Variants in GRM3 observed in about 807,000 individuals in gnomAD.
GRM3 encodes the protein metabotropic glutamate receptor 3.
A neutral mutation model predicts 70.5 loss-of-function variants in GRM3; 26 were observed. The observed-to-expected ratio is 0.37, with a 90% CI of 0.27 to 0.51. The LOEUF (loss-of-function observed/expected upper bound fraction) is 0.51. Ranked by LOEUF, GRM3 falls within the 20% of genes least tolerant of loss-of-function variation. The probability of loss-of-function intolerance (pLI) is 0.93; values close to 1 mark genes in which losing one functional copy is unlikely to be tolerated. For missense variants in GRM3, 859 were observed against 1,123.8 expected (o/e 0.76, Z 3.37); for synonymous variants, 443 against 434.9 (o/e 1.02, Z -0.23).
At chr7:86,830,507 T>A (rs1024145522) in intron 3 of GRM3, among the ~76,000 whole-genome samples, 5 of 152,134 alleles carry the variant, frequency 3.3e-5, no homozygotes, top group Admixed American at 2.0e-4. Context: ...TGAAAGAAAA[T>A]TTTTTTAAAA....
At chr7:86,669,354 A>T (rs1243489069) in intron 1 of GRM3, among the ~76,000 whole-genome samples, 2 of 152,198 alleles carry the variant, frequency 1.3e-5, no homozygotes, top group African/African-American at 4.8e-5. Context: ...AACAGGTGTT[A>T]AAAACTCTGA....
Position 86,839,023 on chromosome 7 carries a change from A to C in GRM3, c.1509A>C (p.Ser503=). 1 of 1,614,132 alleles carries C rather than the reference A, an allele frequency of 6.2e-7. No homozygotes were observed. Among genetic ancestry groups the C allele is most frequent in the East Asian group, 2.2e-5 (1 of 44,872 alleles). Residue 503 remains serine (S), a synonymous_variant, in exon 4 of 6, where the codon TCA becomes TCC. Coordinates refer to ENST00000361669, the MANE Select transcript of GRM3 (RefSeq NM_000840.3). This position sits in a 1 kb window ranked among gnomAD's most constrained non-coding sequence, Gnocchi z 4.5. ...ACTCTATCCACTGGTCCCGGAACTC[A>C]GTCCCCACTTCCCAGTGCAGCGACC... ...DVNSIHWSRN[S]VPTSQCSDPC... is the part of the protein sequence containing the mutation.
intron 1 of GRM3, among the ~76,000 whole-genome samples, chr7:86,695,663 A>T (rs1435030015): frequency 6.6e-6 from 1 of 152,202 alleles, no homozygotes; most frequent in Non-Finnish European, 1.5e-5. Context: ...CTCAACAAAA[A>T]AGTGAAAGTA....
intron 5 of GRM3, among the ~76,000 whole-genome samples, chr7:86,860,226 A>T (rs1224593531): frequency 6.6e-6 from 1 of 152,210 alleles, no homozygotes; most frequent in African/African-American, 2.4e-5. Context: ...GAAAAAGCTC[A>T]TCACAAACAT....
chr7:86,654,035 C>T (rs1793671778), intron 1 of GRM3, among the ~76,000 whole-genome samples: 1 of 152,194 alleles, frequency 6.6e-6, no homozygotes. Flanking sequence ...TGGCAACTTA[C>T]ACATTCTTCA....
intron 1 of GRM3, among the ~76,000 whole-genome samples, chr7:86,739,887 C>T (rs1376633060): frequency 1.3e-5 from 2 of 152,154 alleles, no homozygotes; most frequent in South Asian, 2.1e-4. Flanking sequence ...ACTTACTGAT[C>T]CTCATTTTTT....
chr7:86,798,490 G>A (rs1156342252), intron 3 of GRM3, among the ~76,000 whole-genome samples: 1 of 152,100 alleles, frequency 6.6e-6, no homozygotes, highest in Non-Finnish European at 1.5e-5. Flanking sequence ...CTTCATTTTG[G>A]CCTACTTTTC....
At chr7:86,824,948 G>A (rs1337039240) in intron 3 of GRM3, among the ~76,000 whole-genome samples, 1 of 152,136 alleles carries the variant, frequency 6.6e-6, no homozygotes, top group Admixed American at 6.5e-5. Flanking sequence ...GATTTCTGGG[G>A]TTGATCAATT....
intron 1 of GRM3, among the ~76,000 whole-genome samples, chr7:86,756,140 G>A (rs367584444): frequency 3.2e-4 from 48 of 152,052 alleles, no homozygotes; most frequent in Non-Finnish European, 5.1e-4. Flanking sequence ...GTGCAATGGC[G>A]TGATCTTTGC....
In GRM3 at chr7:86,727,764, A is replaced by T. The variant is rs552497346; in HGVS notation, c.-140-37242A>T. Among the ~76,000 whole-genome samples the T allele has an allele frequency of 3.3e-5, 5 of 152,258 alleles. No homozygotes were observed. In the East Asian group the frequency reaches 9.7e-4, roughly 29 times the overall value. On this transcript the variant is annotated intron_variant, in intron 1 of 5. Coordinates refer to ENST00000361669, the MANE Select transcript of GRM3 (RefSeq NM_000840.3). The stretch of plus-strand genomic sequence containing the variant: ...ATATGTATGAGTGTAAATGTGTATG[A>T]TCTAAACCAGGAGTCCACAAACATT...
chr7:86,687,227 A>C (rs1422976345), intron 1 of GRM3, among the ~76,000 whole-genome samples: 1 of 151,988 alleles, frequency 6.6e-6, no homozygotes, highest in Non-Finnish European at 1.5e-5. Flanking sequence ...AATTGATGAA[A>C]AATGTCTGAT....
At chr7:86,741,938 T>C (rs1796000415) in intron 1 of GRM3, among the ~76,000 whole-genome samples, 1 of 152,174 alleles carries the variant, frequency 6.6e-6, no homozygotes, top group Admixed American at 6.5e-5. Flanking sequence ...TATTTATTGC[T>C]TAGTAACATA....
chr7:86,795,059 C>T (rs1024076163), intron 3 of GRM3, among the ~76,000 whole-genome samples: 4 of 151,420 alleles, frequency 2.6e-5, no homozygotes, highest in Non-Finnish European at 5.9e-5. Context: ...ATTCATTCTC[C>T]CTAGCACACA....
intron 3 of GRM3, among the ~76,000 whole-genome samples, chr7:86,794,040 G>T (rs1445803873): frequency 2.6e-5 from 4 of 151,790 alleles, no homozygotes; most frequent in Non-Finnish European, 5.9e-5. Context: ...ACTTGCAAAG[G>T]TATCTGGAGA....
chr7:86,663,151 A>T (rs1793936851), intron 1 of GRM3, among the ~76,000 whole-genome samples: 1 of 151,954 alleles, frequency 6.6e-6, no homozygotes, highest in African/African-American at 2.4e-5. Context: ...ATGAGAATAG[A>T]GAATCTCAAG....
chr7:86,859,476 G>A (rs186583203), intron 5 of GRM3, among the ~76,000 whole-genome samples: 91 of 152,228 alleles, frequency 6.0e-4, no homozygotes, highest in Non-Finnish European at 1.1e-3. Context: ...CAATGACAAA[G>A]CAGGACACAA....
At chr7:86,812,091 G>A (rs1030817220) in intron 3 of GRM3, among the ~76,000 whole-genome samples, 11 of 151,612 alleles carry the variant, frequency 7.3e-5, no homozygotes, top group Admixed American at 1.3e-4. Flanking sequence ...CTGTAGTCAC[G>A]GCATTCACAA....
At chr7:86,753,475 G>T (rs1796276728) in intron 1 of GRM3, among the ~76,000 whole-genome samples, 2 of 151,924 alleles carry the variant, frequency 1.3e-5, no homozygotes, top group East Asian at 1.9e-4. Flanking sequence ...ATTTTACATT[G>T]TAACCCAGAA....
At chr7:86,652,752 T>C (rs1278157425) in intron 1 of GRM3, among the ~76,000 whole-genome samples, 1 of 152,200 alleles carries the variant, frequency 6.6e-6, no homozygotes, top group Non-Finnish European at 1.5e-5. Context: ...TACTCCCCCA[T>C]GTATTGAACA....
Sources: allele counts gnomAD v4.1 joint callset (sites outside exome capture counted in the v4.1 genomes callset), GRCh38; gene constraint gnomAD v4.1.1; non-coding constraint Gnocchi (gnomAD v3.1); transcripts MANE v1.5; gene names NCBI Gene and HGNC (gene_info 2026-07-23, HGNC 2026-07-21).